OR1J2: variants seen among roughly 807,000 people sequenced by gnomAD.
The protein encoded by OR1J2 is olfactory receptor 1J2.
For synonymous variants in OR1J2, 142 were observed against 99.7 expected (o/e 1.42, Z -2.52); for missense variants, 304 against 246.1 (o/e 1.24, Z -1.57).
chr9:122,518,858 G>A, the OR1J2 span, among the ~76,000 whole-genome samples: 1,426 of 152,266 alleles, frequency 9.4e-3, 20 homozygotes, highest in African/African-American at 0.033. Flanking sequence ...GTTATCTTAC[G>A]ATCCATCTGC....
At chr9:122,562,306 T>C in the OR1J2 span, among the ~76,000 whole-genome samples, 88,659 of 152,184 alleles carry the variant, frequency 0.58, 26,346 homozygotes, top group East Asian at 0.97. Context: ...GCAGGGAGCT[T>C]AGACAGCTTA....
chr9:122,539,621 T>A, the OR1J2 span, among the ~76,000 whole-genome samples: 3 of 152,204 alleles, frequency 2.0e-5, no homozygotes, highest in Non-Finnish European at 4.4e-5. Context: ...ATCCTTTGGG[T>A]ATATACCCAG....
the OR1J2 span, chr9:122,567,381 G>C: frequency 1.9e-6 from 1 of 514,036 alleles, no homozygotes; most frequent in Non-Finnish European, 3.4e-6. Flanking sequence ...AGAGATACAG[G>C]CCGAATTGTT....
chr9:122,558,681 G>GATATAT, the OR1J2 span, among the ~76,000 whole-genome samples: 65 of 151,336 alleles, frequency 4.3e-4, no homozygotes, highest in Admixed American at 2.2e-3. Context: ...ATAATAGATG[G>GATATAT]ATATATGTAT....
chr9:122,570,078 A>G, the OR1J2 span, among the ~76,000 whole-genome samples: 240 of 149,150 alleles, frequency 1.6e-3, 2 homozygotes, highest in African/African-American at 5.6e-3. Flanking sequence ...CCAGTCTATC[A>G]TTGTTGGACA....
the OR1J2 span, among the ~76,000 whole-genome samples, chr9:122,491,694 G>T: frequency 6.6e-6 from 1 of 152,118 alleles, no homozygotes; most frequent in Non-Finnish European, 1.5e-5. Flanking sequence ...AGGTGGGAAT[G>T]GAATCTAGAT....
chr9:122,474,967 C>G, the OR1J2 span: 11 of 152,254 alleles, frequency 7.2e-5, no homozygotes, highest in African/African-American at 2.4e-4. Flanking sequence ...CCTGCCCTCA[C>G]CAGATGCACT....
rs1239008389 is a variant in OR1J2, at chr9:122,511,007, C to A, written c.206C>A (p.Thr69Asn). 1 of 1,601,664 alleles carries A rather than the reference C, an allele frequency of 6.2e-7. No homozygotes were observed. The highest frequency in any genetic ancestry group is 1.7e-5 in the Admixed American group (1 of 59,878). Reference sequence around the variant, plus strand: ...TTCTTCCTCAGCCACTTGGCTCTCACTGACATCTCCTTTTCATCTGTCACT... The same window carrying A: ...TTCTTCCTCAGCCACTTGGCTCTCAATGACATCTCCTTTTCATCTGTCACT... ...MYFFLSHLAL[T>N]DISFSSVTVP... is the part of the protein sequence containing the mutation. The change falls in exon 1 of 1, where the codon ACT becomes AAT. Residue 69 changes from threonine to asparagine, a missense_variant. Transcript: ENST00000335302.
the OR1J2 span, among the ~76,000 whole-genome samples, chr9:122,572,381 A>C: frequency 6.6e-6 from 1 of 152,226 alleles, no homozygotes; most frequent in Non-Finnish European, 1.5e-5. Context: ...GGAATACAGA[A>C]TTTAAAAAAT....
the OR1J2 span, among the ~76,000 whole-genome samples, chr9:122,579,391 C>G: frequency 6.6e-6 from 1 of 151,920 alleles, no homozygotes; most frequent in Non-Finnish European, 1.5e-5. Context: ...TAATACCTAT[C>G]CCTTGTCTGG....
chr9:122,496,830 G>A, the OR1J2 span, among the ~76,000 whole-genome samples: 6 of 152,184 alleles, frequency 3.9e-5, no homozygotes, highest in South Asian at 8.3e-4. Flanking sequence ...TGAGCAGAGG[G>A]GTGACTTTGA....
the OR1J2 span, among the ~76,000 whole-genome samples, chr9:122,570,884 A>G: frequency 6.6e-6 from 1 of 152,200 alleles, no homozygotes; most frequent in African/African-American, 2.4e-5. Context: ...ATTCCGTAAT[A>G]AGGAATTAAG....
At chr9:122,527,647 T>C in the OR1J2 span, among the ~76,000 whole-genome samples, 2 of 152,320 alleles carry the variant, frequency 1.3e-5, no homozygotes, top group Admixed American at 6.5e-5. Context: ...TACATTCTTT[T>C]GGGAGGTAGC....
the OR1J2 span, chr9:122,519,583 C>T: frequency 3.1e-6 from 5 of 1,614,120 alleles, no homozygotes; most frequent in South Asian, 2.2e-5. Context: ...GTCACTGTGT[C>T]CTGGATCCTC....
chr9:122,494,564 A>G, the OR1J2 span, among the ~76,000 whole-genome samples: 1 of 152,124 alleles, frequency 6.6e-6, no homozygotes, highest in Non-Finnish European at 1.5e-5. Flanking sequence ...CCTTAAGTGT[A>G]TGTGAGTCCT....
chr9:122,578,553 G>C, the OR1J2 span: 1 of 151,666 alleles, frequency 6.6e-6, no homozygotes, highest in Non-Finnish European at 1.5e-5. Context: ...ACCAGCCCAA[G>C]TGCCCCTCAA....
the OR1J2 span, among the ~76,000 whole-genome samples, chr9:122,541,048 C>A: frequency 2.6e-5 from 4 of 152,278 alleles, no homozygotes; most frequent in African/African-American, 9.6e-5. Context: ...CCTGCTAACA[C>A]CCTCCAGTAG....
At chr9:122,503,324 C>G in the OR1J2 span, among the ~76,000 whole-genome samples, 1 of 152,154 alleles carries the variant, frequency 6.6e-6, no homozygotes, top group Admixed American at 6.5e-5. Flanking sequence ...TCCCAGTAAC[C>G]ATTTGGTCCC....
chr9:122,458,946 A>G, the OR1J2 span, among the ~76,000 whole-genome samples: 2 of 150,950 alleles, frequency 1.3e-5, no homozygotes, highest in East Asian at 3.9e-4. Flanking sequence ...CTTATTTCTA[A>G]CCATGCTTTA....
Sources: gnomAD v4.1 joint callset for allele counts (sites outside exome capture counted in the v4.1 genomes callset) on GRCh38, gnomAD v4.1.1 for gene constraint, MANE v1.5 for transcripts, NCBI Gene and HGNC (gene_info 2026-07-23, HGNC 2026-07-21) for gene names.